ELOVL7: variants seen among roughly 807,000 people sequenced by gnomAD.
ELOVL7 encodes the protein very long chain fatty acid elongase 7.
In ELOVL7, 27 loss-of-function variants were observed where a neutral mutation model predicts 35.7. The observed-to-expected ratio is 0.76, with a 90% CI of 0.56 to 1.04. The LOEUF (loss-of-function observed/expected upper bound fraction) is 1.04. ELOVL7 is among the 50% of genes least tolerant of loss of function. The pLI is 0.00. For synonymous variants in ELOVL7, 113 were observed against 114.6 expected, an observed-to-expected ratio of 0.99 and a Z score of 0.09; for missense variants, 327 against 340.8, an observed-to-expected ratio of 0.96 and a Z score of 0.32.
chr5:60,817,000 A>G (rs550352507), intron 1 of ELOVL7, among the ~76,000 whole-genome samples: 3 of 152,340 alleles, frequency 2.0e-5, no homozygotes, highest in East Asian at 3.9e-4. Flanking sequence ...TAAAAGTTAA[A>G]TAATTGGTAA....
intron 2 of ELOVL7, among the ~76,000 whole-genome samples, chr5:60,796,782 T>C (rs1245796868): frequency 6.6e-6 from 1 of 152,242 alleles, no homozygotes; most frequent in Non-Finnish European, 1.5e-5. Context: ...AACAAGTTCA[T>C]AACTAATCAA....
rs1742252677 is a variant in ELOVL7, at chr5:60,766,626, G to T, written c.341C>A (p.Ala114Glu). The T allele has an allele frequency of 1.2e-6, 2 of 1,611,558 alleles. No individual in the cohort carries two copies. The highest frequency in any genetic ancestry group is 1.3e-5 in the African/African-American group (1 of 74,826). ...YSRSPTALRM[A>E]RTCWLYYFSK... The stretch of plus-strand genomic sequence containing the variant: ...GAAGTAATAAAGCCAGCAGGTACGT[G>T]CCATCTGCAGAAGCACAAATAAATC... The change falls in exon 6 of 9, where the codon GCA becomes GAA. Residue 114 changes from alanine to glutamate, a missense_variant. Transcript: ENST00000508821.
chr5:60,780,968 T>TG (rs927292794), intron 3 of ELOVL7, among the ~76,000 whole-genome samples: 13 of 152,182 alleles, frequency 8.5e-5, no homozygotes, highest in Admixed American at 3.9e-4. Context: ...CCCAGCACTT[T>TG]GGGAGGCCAA....
At chr5:60,820,871 A>G (rs1393737703) in intron 1 of ELOVL7, among the ~76,000 whole-genome samples, 1 of 152,076 alleles carries the variant, frequency 6.6e-6, no homozygotes, top group Non-Finnish European at 1.5e-5. Flanking sequence ...CCTGAGCTTT[A>G]TCATCTCTTG....
chr5:60,804,314 C>T (rs1744808229), intron 1 of ELOVL7, among the ~76,000 whole-genome samples: 2 of 152,096 alleles, frequency 1.3e-5, no homozygotes, highest in African/African-American at 4.8e-5. Context: ...CTGGTCCTAA[C>T]TCATCATTCT....
At chr5:60,776,139 C>T (rs1048268581) in intron 3 of ELOVL7, among the ~76,000 whole-genome samples, 1 of 152,076 alleles carries the variant, frequency 6.6e-6, no homozygotes, top group Non-Finnish European at 1.5e-5. Flanking sequence ...AAATAAATAA[C>T]TTCATTAAAA....
chr5:60,815,123 T>C (rs1199344008), intron 1 of ELOVL7, among the ~76,000 whole-genome samples: 3 of 152,246 alleles, frequency 2.0e-5, no homozygotes, highest in African/African-American at 2.4e-5. Flanking sequence ...TCAATACTAC[T>C]ATTATACAAT....
chr5:60,805,686 G>A (rs991834594), intron 1 of ELOVL7, among the ~76,000 whole-genome samples: 1 of 152,202 alleles, frequency 6.6e-6, no homozygotes, highest in Admixed American at 6.5e-5. Flanking sequence ...TCCAGCATAA[G>A]CATCACTTCC....
At chr5:60,756,542 T>C (rs1414470390) in intron 8 of ELOVL7, among the ~76,000 whole-genome samples, 1 of 152,212 alleles carries the variant, frequency 6.6e-6, no homozygotes. Context: ...CATATCCTTA[T>C]GATTGGTCAT....
intron 1 of ELOVL7, among the ~76,000 whole-genome samples, chr5:60,824,339 C>T (rs1257496983): frequency 6.6e-6 from 1 of 152,064 alleles, no homozygotes; most frequent in Non-Finnish European, 1.5e-5. Flanking sequence ...TTTGAAGGGA[C>T]GTGGAAGTCT....
intron 1 of ELOVL7, among the ~76,000 whole-genome samples, chr5:60,825,008 T>G (rs1326952074): frequency 1.3e-5 from 2 of 151,266 alleles, no homozygotes; most frequent in Non-Finnish European, 2.9e-5. Flanking sequence ...CAGGCTGGAG[T>G]GCAGTGGTGC....
intron 3 of ELOVL7, among the ~76,000 whole-genome samples, chr5:60,774,184 C>A (rs761179139): frequency 6.6e-6 from 1 of 152,096 alleles, no homozygotes; most frequent in Non-Finnish European, 1.5e-5. Context: ...ACACCAACAA[C>A]AACAACAATG....
In ELOVL7 at chr5:60,768,776, C is replaced by A. The variant is rs1244590426; in HGVS notation, c.256-873G>T. 9.1e-6 allele frequency: 4 copies of A among 438,848 alleles called. No homozygotes were observed. In the Admixed American group the frequency reaches 9.7e-5, roughly 11 times the overall value. 27.2% of individuals were successfully genotyped at this position (438,848 alleles called of 1,614,324 possible). A position where few individuals can be genotyped will look rare whatever the true frequency, so the allele number is the denominator to read the frequency against. ...TAATTTAGGGCACTGACAATATGAT[C>A]AGTTCTTCTCATACATGCCAAATAC... On this transcript the variant is annotated intron_variant, in intron 4 of 8. Transcript: ENST00000508821.
At chr5:60,804,797 T>C (rs1744835978) in intron 1 of ELOVL7, among the ~76,000 whole-genome samples, 1 of 152,214 alleles carries the variant, frequency 6.6e-6, no homozygotes, top group African/African-American at 2.4e-5. Context: ...CCCCACTTTT[T>C]TGAAACAAAT....
chr5:60,764,140 T>C, intron 7 of ELOVL7, 87 bp downstream of exon 7: 1 of 867,270 alleles, frequency 1.2e-6, no homozygotes, highest in Non-Finnish European at 1.8e-6. Context: ...TTTGAGTTTC[T>C]TATAAATCAC....
chr5:60,781,660 T>C (rs558618534), intron 3 of ELOVL7, among the ~76,000 whole-genome samples: 20 of 152,316 alleles, frequency 1.3e-4, no homozygotes, highest in Admixed American at 5.2e-4. Context: ...AAAAAATAAT[T>C]ATGGGAAACA....
chr5:60,795,401 G>C (rs1744191489), intron 2 of ELOVL7, among the ~76,000 whole-genome samples: 1 of 152,134 alleles, frequency 6.6e-6, no homozygotes, highest in African/African-American at 2.4e-5. Context: ...ACTAAAAGCA[G>C]GAGATAAAGA....
rs549457270 is a variant in ELOVL7 at position 60,778,315 on chromosome 5, A to G, written c.65-6222T>C. ...GATCAAACTTTGATAGATTTCTTCTATAAGTGGGTAGTGCAAACCTTAAAT... is the reference window on the plus strand; with the variant it reads ...GATCAAACTTTGATAGATTTCTTCTGTAAGTGGGTAGTGCAAACCTTAAAT... On this transcript the variant is annotated intron_variant, in intron 3 of 8. Coordinates refer to ENST00000508821, the MANE Select transcript of ELOVL7 (RefSeq NM_024930.3). Among the ~76,000 whole-genome samples the G allele has an allele frequency of 4.6e-5, 7 of 152,346 alleles. No homozygotes were observed. In the South Asian group the frequency reaches 1.2e-3, roughly 27 times the overall value.
chr5:60,831,483 G>A (rs1159697562), intron 1 of ELOVL7, among the ~76,000 whole-genome samples: 1 of 152,170 alleles, frequency 6.6e-6, no homozygotes, highest in Non-Finnish European at 1.5e-5. Flanking sequence ...CCAGCCTCAA[G>A]TTTTAAAAGG....
Sources: gnomAD v4.1 joint callset for allele counts (sites outside exome capture counted in the v4.1 genomes callset) on GRCh38, gnomAD v4.1.1 for gene constraint, MANE v1.5 for transcripts, NCBI Gene and HGNC (gene_info 2026-07-23, HGNC 2026-07-21) for gene names.